ABTB2: variants seen among roughly 807,000 people sequenced by gnomAD.
ABTB2 encodes ankyrin repeat and BTB/POZ domain-containing protein 2.
In ABTB2, 56 loss-of-function variants were observed where a neutral mutation model predicts 104.1. That is an observed-to-expected ratio of 0.54 (90% confidence interval 0.43 to 0.67). The LOEUF is 0.67. Among genes scored for constraint, ABTB2 ranks in the 30% least tolerant of loss-of-function variants. The pLI is 0.00. For missense variants in ABTB2, 1,279 were observed against 1,407.7 expected, an observed-to-expected ratio of 0.91 and a Z score of 1.46; for synonymous variants, 606 against 608.2, an observed-to-expected ratio of 1.00 and a Z score of 0.05.
chr11:34,240,548 T>C (rs1265687521), intron 1 of ABTB2, among the ~76,000 whole-genome samples: 1 of 152,234 alleles, frequency 6.6e-6, no homozygotes. Context: ...CCCAGTTCTA[T>C]CAAGAGGCCC....
intron 3 of ABTB2, among the ~76,000 whole-genome samples, chr11:34,195,063 A>T (rs1590213071): frequency 4.0e-5 from 2 of 49,972 alleles, no homozygotes; most frequent in East Asian, 9.9e-4. Flanking sequence ...AGGACATGAC[A>T]AAGATGCCCG....
rs1320150168 is a variant in ABTB2 at position 34,252,810 on chromosome 11, G to A, written c.884-48120C>T. ...CAGGGCCAACTGGACTCCCAGCTGGGCCAGAGGAGGCTGGGGGACCTCCTG... is the reference window on the plus strand; with the variant it reads ...CAGGGCCAACTGGACTCCCAGCTGGACCAGAGGAGGCTGGGGGACCTCCTG... On this transcript the variant is annotated intron_variant, in intron 1 of 16. Coordinates refer to ENST00000435224, the MANE Select transcript of ABTB2 (RefSeq NM_145804.3). This position sits in a 1 kb window ranked among gnomAD's most constrained non-coding sequence, Gnocchi z 5.5. 6.6e-6 allele frequency among the ~76,000 whole-genome samples: 1 copy of A among 151,904 alleles called. No individual in the cohort carries two copies. Among genetic ancestry groups the A allele is most frequent in the Admixed American group, 6.6e-5 (1 of 15,260 alleles).
In ABTB2 at chr11:34,167,830, C is replaced by T. The variant is rs544904369; in HGVS notation, c.1653+73G>A. The T allele has an allele frequency of 3.7e-5, 55 of 1,481,220 alleles. No individual in the cohort carries two copies. The East Asian group carries it at 9.2e-4, about 25-fold the overall frequency. The allele number at this position is 1,481,220 out of a possible 1,614,324, so 91.8% of individuals were successfully genotyped here. A position where few individuals can be genotyped will look rare whatever the true frequency, so the allele number is the denominator to read the frequency against. On this transcript the variant is annotated intron_variant, in intron 6 of 16. Coordinates refer to ENST00000435224, the MANE Select transcript of ABTB2 (RefSeq NM_145804.3). ...CAGTTGCCCAAAACATCACGCCCAG[C>T]GTGTTTGTTGGAGCCCTCGGAGTGA...
intron 3 of ABTB2, among the ~76,000 whole-genome samples, chr11:34,180,305 T>G (rs1853011187): frequency 6.6e-6 from 1 of 152,018 alleles, no homozygotes; most frequent in Non-Finnish European, 1.5e-5. Context: ...GCCTTGGCAG[T>G]GAAAAAACTC....
intron 1 of ABTB2, among the ~76,000 whole-genome samples, chr11:34,344,004 A>C (rs561734242): frequency 3.9e-5 from 6 of 152,202 alleles, no homozygotes; most frequent in South Asian, 2.1e-4. Context: ...GCCGAGGTCA[A>C]AGCATCCAAC....
At chr11:34,174,050 C>T (rs1486685784) in intron 3 of ABTB2, among the ~76,000 whole-genome samples, 1 of 152,148 alleles carries the variant, frequency 6.6e-6, no homozygotes, top group African/African-American at 2.4e-5. Flanking sequence ...GAGTAGTGGC[C>T]TCGGCCGGGC....
intron 1 of ABTB2, among the ~76,000 whole-genome samples, chr11:34,310,098 A>G (rs796104386): frequency 2.8e-4 from 43 of 152,264 alleles, no homozygotes; most frequent in African/African-American, 1.0e-3. Context: ...AAGGGGGAGG[A>G]GCACAGTATG....
chr11:34,281,224 G>T (rs1185158723), intron 1 of ABTB2, among the ~76,000 whole-genome samples: 2 of 152,124 alleles, frequency 1.3e-5, no homozygotes, highest in African/African-American at 4.8e-5. Flanking sequence ...ACCTAGCAAG[G>T]GTTCTCTAAG....
intron 3 of ABTB2, among the ~76,000 whole-genome samples, chr11:34,179,921 T>A (rs1306843848): frequency 6.6e-6 from 1 of 152,200 alleles, no homozygotes; most frequent in Admixed American, 6.5e-5. Flanking sequence ...AAAATGGTTA[T>A]AAATAATAGG....
At chr11:34,175,277 C>T (rs544046027) in intron 3 of ABTB2, among the ~76,000 whole-genome samples, 2 of 152,230 alleles carry the variant, frequency 1.3e-5, no homozygotes, top group Non-Finnish European at 2.9e-5. Context: ...GATGGGGTTA[C>T]ATACCAATAA....
intron 1 of ABTB2, among the ~76,000 whole-genome samples, chr11:34,270,050 G>C (rs1221907104): frequency 6.6e-6 from 1 of 152,200 alleles, no homozygotes; most frequent in African/African-American, 2.4e-5. Context: ...CCATCAGCCA[G>C]AAACACTCCA....
chr11:34,169,670 C>T (rs952249119), intron 5 of ABTB2, among the ~76,000 whole-genome samples: 1 of 152,150 alleles, frequency 6.6e-6, no homozygotes, highest in African/African-American at 2.4e-5. Flanking sequence ...CCCACGAGAT[C>T]CCACAGCAGC....
chr11:34,249,102 C>G (rs998242321), intron 1 of ABTB2, among the ~76,000 whole-genome samples: 2 of 152,230 alleles, frequency 1.3e-5, no homozygotes, highest in African/African-American at 4.8e-5. Context: ...GCACTCTAGC[C>G]TGGGCAACAA....
At chr11:34,156,242 C>A (rs77655970) in intron 14 of ABTB2, among the ~76,000 whole-genome samples, 1 of 152,228 alleles carries the variant, frequency 6.6e-6, no homozygotes, top group Non-Finnish European at 1.5e-5. Context: ...CAGATCAGAA[C>A]GGCTCACCTG....
intron 1 of ABTB2, among the ~76,000 whole-genome samples, chr11:34,234,736 C>T (rs1440046608): frequency 1.3e-5 from 2 of 152,216 alleles, no homozygotes; most frequent in African/African-American, 4.8e-5. Context: ...TCCCAGCTTA[C>T]AGGGTAATGC....
intron 1 of ABTB2, among the ~76,000 whole-genome samples, chr11:34,309,593 G>A (rs1405230602): frequency 6.6e-6 from 1 of 152,036 alleles, no homozygotes; most frequent in Non-Finnish European, 1.5e-5. Flanking sequence ...AAGAAACGTG[G>A]CCACGATTTC....
chr11:34,323,908 T>C (rs1325001091), intron 1 of ABTB2, among the ~76,000 whole-genome samples: 2 of 9,756 alleles, frequency 2.1e-4, no homozygotes, highest in South Asian at 0.012. Flanking sequence ...AATTCCCTCT[T>C]TTTTTTTTTT....
At chr11:34,292,144 C>T (rs1432821839) in intron 1 of ABTB2, among the ~76,000 whole-genome samples, 3 of 152,102 alleles carry the variant, frequency 2.0e-5, no homozygotes, top group Non-Finnish European at 4.4e-5. Context: ...CTGCTTGAGA[C>T]ACTGGCCTAA....
chr11:34,287,817 AT>A (rs1243780067), intron 1 of ABTB2, among the ~76,000 whole-genome samples: 4 of 151,570 alleles, frequency 2.6e-5, no homozygotes, highest in Non-Finnish European at 5.9e-5. Context: ...TTTCCGTGGT[AT>A]TTTTTTTCTT....
Sources: allele counts gnomAD v4.1 joint callset (sites outside exome capture counted in the v4.1 genomes callset), GRCh38; gene constraint gnomAD v4.1.1; non-coding constraint Gnocchi (gnomAD v3.1); transcripts MANE v1.5; gene names NCBI Gene and HGNC (gene_info 2026-07-23, HGNC 2026-07-21).